The following CSMD1 variants were observed in gnomAD, a reference collection of about 807,000 sequenced individuals.
CSMD1 encodes CUB and Sushi multiple domains 1.
In CSMD1, 213 loss-of-function variants were observed where a neutral mutation model predicts 417.5. The observed-to-expected ratio is 0.51, with a 90% confidence interval of 0.46 to 0.57. CSMD1 has a LOEUF of 0.57. Ranked by LOEUF, CSMD1 falls within the 20% of genes least tolerant of loss-of-function variation. The pLI, the probability that CSMD1 is intolerant of heterozygous loss-of-function variation, is 0.00. For synonymous variants in CSMD1, 2,862 were observed against 1,736.8 expected (o/e 1.65, Z -16.11); for missense variants, 6,923 against 4,529.7 (o/e 1.53, Z -15.17).
intron 10 of CSMD1, among the ~76,000 whole-genome samples, chr8:3,529,483 G>T (rs1313613345): frequency 6.6e-6 from 1 of 152,044 alleles, no homozygotes; most frequent in Non-Finnish European, 1.5e-5. Context: ...GAAGAAATTG[G>T]GATTATGTGA....
Position 2,994,377 on chromosome 8 carries a change from C to G in CSMD1, c.8377+3634G>C, listed in dbSNP as rs553663374. 1.3e-4 allele frequency among the ~76,000 whole-genome samples: 20 copies of G among 152,108 alleles called. No individual in the cohort carries two copies. The South Asian group carries it at 3.9e-3, about 30-fold the overall frequency. On this transcript the variant is annotated intron_variant, in intron 54 of 69. Coordinates refer to ENST00000635120, the MANE Select transcript of CSMD1 (RefSeq NM_033225.6). ...GCCTTGCAGTGGGTGGATTCTTTCC[C>G]CACACACAGAAGTGTGCACCTGCTG...
chr8:4,055,828 T>C (rs1269216330), intron 3 of CSMD1, among the ~76,000 whole-genome samples: 1 of 151,970 alleles, frequency 6.6e-6, no homozygotes, highest in Admixed American at 6.6e-5. Context: ...GTGTTGATTT[T>C]ACAGTTGATT....
At chr8:3,064,591 A>T (rs1222170491) in intron 49 of CSMD1, among the ~76,000 whole-genome samples, 1 of 152,220 alleles carries the variant, frequency 6.6e-6, no homozygotes. Context: ...AATAGTAAAC[A>T]CAGAAAATAA....
At chr8:3,160,942 T>C (rs894179325) in intron 38 of CSMD1, among the ~76,000 whole-genome samples, 2 of 152,212 alleles carry the variant, frequency 1.3e-5, no homozygotes, top group African/African-American at 4.8e-5. Context: ...GAAACTGAAT[T>C]CCACACAGTG....
chr8:4,461,469 A>G (rs1799812163), intron 2 of CSMD1, among the ~76,000 whole-genome samples: 1 of 151,514 alleles, frequency 6.6e-6, no homozygotes, highest in Admixed American at 6.6e-5. Context: ...GATATCCATT[A>G]AAAACTATTA....
intron 12 of CSMD1, among the ~76,000 whole-genome samples, chr8:3,410,773 C>CT (rs1281222385): frequency 1.9e-4 from 29 of 152,252 alleles, no homozygotes; most frequent in African/African-American, 6.5e-4. Context: ...GGATCTCACT[C>CT]TGTTGTCCAG....
intron 5 of CSMD1, among the ~76,000 whole-genome samples, chr8:3,979,157 T>A (rs191723463): frequency 6.6e-6 from 1 of 152,244 alleles, no homozygotes; most frequent in Non-Finnish European, 1.5e-5. Context: ...GATCACATTT[T>A]ACAACACCTG....
chr8:4,768,337 G>T (rs187691961), intron 1 of CSMD1, among the ~76,000 whole-genome samples: 1 of 151,796 alleles, frequency 6.6e-6, no homozygotes, highest in East Asian at 1.9e-4. Context: ...AACATGAGCC[G>T]GTACACAGAG....
chr8:4,183,130 T>G (rs980468506), intron 3 of CSMD1, among the ~76,000 whole-genome samples: 5 of 152,158 alleles, frequency 3.3e-5, no homozygotes, highest in African/African-American at 1.2e-4. Flanking sequence ...CAGTGATAAT[T>G]TTATTTCATT....
intron 3 of CSMD1, among the ~76,000 whole-genome samples, chr8:4,153,928 G>A (rs117890627): frequency 6.6e-6 from 1 of 152,222 alleles, no homozygotes. Flanking sequence ...ACGAGGCACT[G>A]TGGATCCTGC....
intron 2 of CSMD1, among the ~76,000 whole-genome samples, chr8:4,447,975 AG>A (rs1218508110): frequency 1.3e-5 from 2 of 152,198 alleles, no homozygotes; most frequent in African/African-American, 4.8e-5. Context: ...AGTACCAAAA[AG>A]CCTCTTGGAA....
intron 5 of CSMD1, among the ~76,000 whole-genome samples, chr8:3,856,591 T>C (rs984918144): frequency 1.3e-5 from 2 of 152,190 alleles, no homozygotes; most frequent in African/African-American, 4.8e-5. Flanking sequence ...TGTATTCTAA[T>C]TTGCCATATT....
rs143613968 is a variant in CSMD1, at chr8:3,739,971, A to G, written c.931+13959T>C. ...TAATGCCAGAGTTCGATTCTCCTTC[A>G]TGATCCCTATCATTAAAATTGTCTT... is the stretch of plus-strand genomic sequence containing the variant. On this transcript the variant is annotated intron_variant, in intron 6 of 69. Coordinates refer to ENST00000635120, the MANE Select transcript of CSMD1 (RefSeq NM_033225.6). 7.9e-3 allele frequency among the ~76,000 whole-genome samples: 1,198 copies of G among 152,308 alleles called. 13 individuals are homozygous for G. Among genetic ancestry groups the G allele is most frequent in the Middle Eastern group, 0.034 (10 of 294 alleles).
chr8:4,580,689 G>A (rs985430588), intron 2 of CSMD1, among the ~76,000 whole-genome samples: 2 of 152,030 alleles, frequency 1.3e-5, no homozygotes, highest in African/African-American at 4.8e-5. Flanking sequence ...CGTCTTCCAA[G>A]GTAAATGCGA....
intron 12 of CSMD1, among the ~76,000 whole-genome samples, chr8:3,464,598 T>A (rs1425917655): frequency 6.7e-6 from 1 of 149,728 alleles, no homozygotes; most frequent in Non-Finnish European, 1.5e-5. Context: ...ATAAATGATT[T>A]TTAAGTATAT....
chr8:3,973,408 C>T (rs1002032669), intron 5 of CSMD1, among the ~76,000 whole-genome samples: 10 of 152,116 alleles, frequency 6.6e-5, no homozygotes, highest in African/African-American at 2.2e-4. Context: ...CCTGTCACAC[C>T]CTACTAGTGA....
chr8:3,651,181 C>T (rs1423771218), intron 7 of CSMD1, among the ~76,000 whole-genome samples: 2 of 152,164 alleles, frequency 1.3e-5, no homozygotes, highest in African/African-American at 4.8e-5. Flanking sequence ...GTCTCTGTTC[C>T]CTAGAATGTA....
chr8:4,387,592 A>AAAAAAAAAG (rs1803542375), intron 3 of CSMD1, among the ~76,000 whole-genome samples: 1 of 148,704 alleles, frequency 6.7e-6, no homozygotes, highest in Non-Finnish European at 1.5e-5. Context: ...AAAAAAAAAA[A>AAAAAAAAAG]GAGTTGAATG....
intron 6 of CSMD1, among the ~76,000 whole-genome samples, chr8:3,726,469 C>T (rs1397777476): frequency 1.3e-5 from 2 of 152,148 alleles, no homozygotes; most frequent in Non-Finnish European, 2.9e-5. Context: ...ATGTGTAGAG[C>T]CAGATGGGAT....
Sources: gnomAD v4.1 joint callset for allele counts (sites outside exome capture counted in the v4.1 genomes callset) on GRCh38, gnomAD v4.1.1 for gene constraint, MANE v1.5 for transcripts, NCBI Gene and HGNC (gene_info 2026-07-23, HGNC 2026-07-21) for gene names.